The following PRKAR1B variants were observed in gnomAD, a reference collection of about 807,000 sequenced individuals.
PRKAR1B encodes protein kinase cAMP-dependent type I regulatory subunit beta.
PRKAR1B carries 22 observed loss-of-function variants against 46.5 expected under a neutral mutation model. The observed-to-expected ratio is 0.47, with a 90% CI of 0.34 to 0.68. The LOEUF (loss-of-function observed/expected upper bound fraction) is 0.68. PRKAR1B is among the 30% of genes least tolerant of loss of function. PRKAR1B has a pLI of 0.01. For missense variants in PRKAR1B, 445 were observed against 535.6 expected (o/e 0.83, Z 1.67); for synonymous variants, 259 against 217.7 (o/e 1.19, Z -1.67).
At chr7:616,991 CTT>C (rs71016889) in intron 4 of PRKAR1B, among the ~76,000 whole-genome samples, 10 of 114,572 alleles carry the variant, frequency 8.7e-5, no homozygotes, top group African/African-American at 1.7e-4. Context: ...CACCCAAGTG[CTT>C]TTTTTTTTTT....
At chr7:617,238 C>T (rs1782874714) in intron 4 of PRKAR1B, among the ~76,000 whole-genome samples, 1 of 151,828 alleles carries the variant, frequency 6.6e-6, no homozygotes. Context: ...CATGATCCAC[C>T]TGCCTTGGCC....
At chr7:675,112 C>T (rs1476078279) in intron 4 of PRKAR1B, among the ~76,000 whole-genome samples, 1 of 152,324 alleles carries the variant, frequency 6.6e-6, no homozygotes, top group African/African-American at 2.4e-5. Context: ...ACGGAAACAT[C>T]GGAGCACGGA....
At chr7:704,605 G>A (rs983374289) in intron 2 of PRKAR1B, among the ~76,000 whole-genome samples, 8 of 151,266 alleles carry the variant, frequency 5.3e-5, no homozygotes, top group Non-Finnish European at 7.4e-5. Flanking sequence ...GTGAAATCCC[G>A]TCCCCACCAA....
Position 593,250 on chromosome 7 carries a change from G to A in PRKAR1B, c.708+2896C>T, listed in dbSNP as rs960715395. Among the ~76,000 whole-genome samples, 6 of 152,026 alleles carry A rather than the reference G, an allele frequency of 3.9e-5. No homozygotes were observed. Among genetic ancestry groups the A allele is most frequent in the Admixed American group, 2.0e-4 (3 of 15,266 alleles). ...TGGAGTCAGCGTTCACATTTTGGGCGGTGGTCTACTTCCTGGAGACACCAG... is the reference window on the plus strand; with the variant it reads ...TGGAGTCAGCGTTCACATTTTGGGCAGTGGTCTACTTCCTGGAGACACCAG... On this transcript the variant is annotated intron_variant, in intron 7 of 10. Transcript: ENST00000537384. The surrounding 1 kb of genome is among the most constrained non-coding windows in gnomAD (Gnocchi z 6.1).
At chr7:716,743 T>C (rs1780896777) in intron 1 of PRKAR1B, 1 of 152,182 alleles carries the variant, frequency 6.6e-6, no homozygotes. Context: ...GGCTGCAGCA[T>C]GTCGTGGTTT....
At chr7:660,227 C>T (rs900790074) in intron 4 of PRKAR1B, among the ~76,000 whole-genome samples, 4 of 152,026 alleles carry the variant, frequency 2.6e-5, no homozygotes, top group Non-Finnish European at 5.9e-5. Context: ...GCATCACCTC[C>T]CTGCTCAGTC....
At chr7:699,377 G>T (rs1163347992) in intron 2 of PRKAR1B, among the ~76,000 whole-genome samples, 1 of 152,234 alleles carries the variant, frequency 6.6e-6, no homozygotes, top group Non-Finnish European at 1.5e-5. Flanking sequence ...TCCCAAAGCA[G>T]GAAGGCACTG....
intron 1 of PRKAR1B, among the ~76,000 whole-genome samples, chr7:723,943 A>G (rs1376889670): frequency 1.3e-5 from 2 of 152,200 alleles, no homozygotes; most frequent in Non-Finnish European, 2.9e-5. Flanking sequence ...CTTCATGCTC[A>G]TACTGCATTC....
chr7:657,072 G>C (rs1283390729), intron 4 of PRKAR1B, among the ~76,000 whole-genome samples: 1 of 150,856 alleles, frequency 6.6e-6, no homozygotes, highest in Admixed American at 6.6e-5. Flanking sequence ...TGAATGCATG[G>C]ATGGGTGAAT....
chr7:665,821 A>T (rs1220372588), intron 4 of PRKAR1B, among the ~76,000 whole-genome samples: 2 of 152,152 alleles, frequency 1.3e-5, no homozygotes, highest in African/African-American at 4.8e-5. Context: ...TGTTTTTCCC[A>T]TCACCTGAGG....
At chr7:582,164 G>GC (rs769882814) in intron 8 of PRKAR1B, among the ~76,000 whole-genome samples, 243 of 123,948 alleles carry the variant, frequency 2.0e-3, no homozygotes, top group Middle Eastern at 3.7e-3. Context: ...CACCTGCCCA[G>GC]GGGGGAACCC....
chr7:696,136 C>T (rs1325701509), intron 2 of PRKAR1B, among the ~76,000 whole-genome samples: 1 of 150,162 alleles, frequency 6.7e-6, no homozygotes, highest in African/African-American at 2.5e-5. Flanking sequence ...GTATGCCTGG[C>T]TAAATTTTTT....
intron 6 of PRKAR1B, among the ~76,000 whole-genome samples, chr7:600,184 ATG>A (rs1186358896): frequency 6.6e-6 from 1 of 152,230 alleles, no homozygotes; most frequent in Non-Finnish European, 1.5e-5. Context: ...AATGGTTAGA[ATG>A]GTCAGTGTGG....
intron 4 of PRKAR1B, among the ~76,000 whole-genome samples, chr7:652,446 C>G (rs1784959651): frequency 6.6e-6 from 1 of 151,328 alleles, no homozygotes; most frequent in South Asian, 2.1e-4. Flanking sequence ...ACAGTTCACA[C>G]CCACGCAGCG....
At position 690,438 on chromosome 7, in the gene PRKAR1B, G is replaced by A. The variant is rs146369966; in HGVS notation, c.178-9712C>T. Among the ~76,000 whole-genome samples the A allele has an allele frequency of 1.2e-4, 18 of 151,914 alleles. No homozygotes were observed. The East Asian group carries it at 2.5e-3, about 21-fold the overall frequency. ...ATCCCCACGTAACAAACCTGCACAC[G>A]TACCCCCAAACCTAAAATAAAAGTT... On this transcript the variant is annotated intron_variant, in intron 2 of 10. Transcript: ENST00000537384.
At chr7:556,521 C>G (rs1447036180) in intron 9 of PRKAR1B, among the ~76,000 whole-genome samples, 2 of 152,218 alleles carry the variant, frequency 1.3e-5, no homozygotes, top group African/African-American at 2.4e-5. Context: ...CGCACGGAGT[C>G]ATTCTGCTTT....
chr7:663,105 G>T (rs1296686120), intron 4 of PRKAR1B, among the ~76,000 whole-genome samples: 1 of 152,148 alleles, frequency 6.6e-6, no homozygotes, highest in Non-Finnish European at 1.5e-5. Context: ...GTTTCACTAG[G>T]TCTGATGAAC....
chr7:670,823 C>T (rs1282342347), intron 4 of PRKAR1B, among the ~76,000 whole-genome samples: 1 of 151,414 alleles, frequency 6.6e-6, no homozygotes. Flanking sequence ...CACGCCGTGG[C>T]ATCCGGCAGC....
At chr7:619,579 T>C (rs1381068025) in intron 4 of PRKAR1B, among the ~76,000 whole-genome samples, 1 of 152,216 alleles carries the variant, frequency 6.6e-6, no homozygotes, top group African/African-American at 2.4e-5. Context: ...AGTCCTTGTC[T>C]TAACCACTGC....
Sources: gnomAD v4.1 joint callset for allele counts (sites outside exome capture counted in the v4.1 genomes callset) on GRCh38, gnomAD v4.1.1 for gene constraint, Gnocchi (gnomAD v3.1) non-coding constraint, MANE v1.5 for transcripts, NCBI Gene and HGNC (gene_info 2026-07-23, HGNC 2026-07-21) for gene names.